The following COX20 variants were observed in gnomAD, a reference collection of about 807,000 sequenced individuals.
COX20 encodes the protein cytochrome c oxidase assembly protein COX20, mitochondrial.
COX20 carries 14 observed loss-of-function variants against 14.3 expected under a neutral mutation model. The ratio of observed to expected loss-of-function variants is 0.98; its 90% CI spans 0.65 to 1.53. The LOEUF is 1.53. Ranked by LOEUF, COX20 falls within the 40% of genes most tolerant of loss-of-function variation. The probability of loss-of-function intolerance (pLI) is 0.00; values close to 1 mark genes in which losing one functional copy is unlikely to be tolerated. For missense variants in COX20, 149 were observed against 142.1 expected, an observed-to-expected ratio of 1.05 and a Z score of -0.25; for synonymous variants, 56 against 51.7, an observed-to-expected ratio of 1.08 and a Z score of -0.36.
chr1:244,842,536 A>T, intron 3 of COX20: 1 of 387,334 alleles, frequency 2.6e-6, no homozygotes, highest in East Asian at 4.5e-5. Flanking sequence ...CTGCTTATTC[A>T]TATCTGAAAA....
chr1:244,839,009 C>T (rs933773675), intron 1 of COX20, among the ~76,000 whole-genome samples: 2 of 152,142 alleles, frequency 1.3e-5, no homozygotes, highest in Non-Finnish European at 2.9e-5. Context: ...AGGCTGGTCT[C>T]GAACTTCCGA....
upstream of COX20, chr1:244,835,605 G>A: frequency 4.8e-6 from 4 of 825,224 alleles, no homozygotes; most frequent in South Asian, 2.2e-4. Flanking sequence ...GTCGGAACAG[G>A]GCGGGAGGCG....
chr1:244,836,285 C>G (rs1306306209), intron 1 of COX20, among the ~76,000 whole-genome samples: 1 of 152,230 alleles, frequency 6.6e-6, no homozygotes, highest in Non-Finnish European at 1.5e-5. Flanking sequence ...CCACCTTCCA[C>G]TATTGTCCGC....
chr1:244,835,533 A>G (rs1679934934), upstream of COX20: 1 of 403,166 alleles, frequency 2.5e-6, no homozygotes, highest in African/African-American at 2.1e-5. Flanking sequence ...AGGACATGAC[A>G]GCCCGGCCCC....
At chr1:244,842,082 C>A in intron 2 of COX20, 24 bp downstream of exon 2, 1 of 1,544,970 alleles carries the variant, frequency 6.5e-7, no homozygotes, top group Non-Finnish European at 8.9e-7. Flanking sequence ...TTTTTTATTT[C>A]TCTATGTACT....
At chr1:244,842,401 G>A (rs1680243942) in intron 3 of COX20, 143 bp downstream of exon 3, 3 of 682,678 alleles carry the variant, frequency 4.4e-6, no homozygotes, top group Non-Finnish European at 7.9e-6. Flanking sequence ...CATTTTCATG[G>A]AAATCTTAAA....
At chr1:244,837,017 T>C (rs1680010960) in intron 1 of COX20, among the ~76,000 whole-genome samples, 1 of 151,990 alleles carries the variant, frequency 6.6e-6, no homozygotes, top group South Asian at 2.1e-4. Context: ...TTCAGTTTTG[T>C]GATAAACACT....
chr1:244,836,212 G>A (rs1679976575), intron 1 of COX20, among the ~76,000 whole-genome samples: 1 of 152,156 alleles, frequency 6.6e-6, no homozygotes, highest in Non-Finnish European at 1.5e-5. Flanking sequence ...GAAGGGTTAA[G>A]ATTTCTTCCC....
chr1:244,836,601 C>A, intron 1 of COX20: 1 of 1,234,578 alleles, frequency 8.1e-7, no homozygotes, highest in Non-Finnish European at 1.1e-6. Flanking sequence ...CAGGGCAGAA[C>A]AGGTATTCAG....
chr1:244,844,891 TA>T lies in COX20; in HGVS notation c.*1716del, dbSNP rs1033217078. On this transcript the variant is annotated 3_prime_UTR_variant, in exon 4 of 4. Transcript: ENST00000411948. ...TTTAACAAAATATGGACAGGCCACTTATGCTCAGTTTTACCTTAGTTATTCC... is the reference window on the plus strand; with the variant it reads ...TTTAACAAAATATGGACAGGCCACTTTGCTCAGTTTTACCTTAGTTATTCC... The T allele has an allele frequency of 3.3e-5, 5 of 152,280 alleles. No individual in the cohort carries two copies. Among genetic ancestry groups the T allele is most frequent in the Admixed American group, 1.3e-4 (2 of 15,278 alleles). The allele number at this position is 152,280 out of a possible 1,614,324, so 9.4% of individuals were successfully genotyped here. A position where few individuals can be genotyped will look rare whatever the true frequency, so the allele number is the denominator to read the frequency against.
At chr1:244,838,878 C>T (rs549692636) in intron 1 of COX20, among the ~76,000 whole-genome samples, 1 of 152,052 alleles carries the variant, frequency 6.6e-6, no homozygotes, top group African/African-American at 2.4e-5. Context: ...CTGCAACCTC[C>T]GCCTCCTGGG....
chr1:244,835,903 C>T, intron 1 of COX20, 147 bp downstream of exon 1: 2 of 603,306 alleles, frequency 3.3e-6, no homozygotes, highest in Non-Finnish European at 4.8e-6. Flanking sequence ...AGTCCTTATC[C>T]CAAGCCTCCA....
At chr1:244,842,640 A>G in intron 3 of COX20, 1 of 250,518 alleles carries the variant, frequency 4.0e-6, no homozygotes, top group South Asian at 6.3e-5. Context: ...TATGATATGT[A>G]TGTACTATAT....
chr1:244,836,598 G>T, intron 1 of COX20: 1 of 1,256,532 alleles, frequency 8.0e-7, no homozygotes, highest in South Asian at 1.3e-5. Context: ...CCTCAGGGCA[G>T]AACAGGTATT....
At chr1:244,840,091 T>C (rs1680136508) in intron 1 of COX20, 1 of 152,224 alleles carries the variant, frequency 6.6e-6, no homozygotes. Context: ...GTAGCTTCTA[T>C]TTAGATATTT....
rs900599774 is a variant in COX20, at chr1:244,844,089, C to T, written c.*913C>T. The T allele has an allele frequency of 6.6e-6, 1 of 152,182 alleles. No homozygotes were observed. The highest frequency in any genetic ancestry group is 2.4e-5 in the African/African-American group (1 of 41,452). 9.4% of individuals were successfully genotyped at this position (152,182 alleles called of 1,614,324 possible). Reference sequence around the variant, plus strand: ...AGAAATATTGGGGCGAAGGTAACAGCAGTCAACAGGATTGTGGCCATTACT... The same window carrying T: ...AGAAATATTGGGGCGAAGGTAACAGTAGTCAACAGGATTGTGGCCATTACT... On this transcript the variant is annotated 3_prime_UTR_variant, in exon 4 of 4. Coordinates refer to ENST00000411948, the MANE Select transcript of COX20 (RefSeq NM_198076.6).
At chr1:244,839,005 G>C (rs997744463) in intron 1 of COX20, among the ~76,000 whole-genome samples, 1 of 152,194 alleles carries the variant, frequency 6.6e-6, no homozygotes, top group African/African-American at 2.4e-5. Flanking sequence ...GGCCAGGCTG[G>C]TCTCGAACTT....
chr1:244,838,782 A>G (rs1433587620), intron 1 of COX20, among the ~76,000 whole-genome samples: 1 of 151,820 alleles, frequency 6.6e-6, no homozygotes, highest in Non-Finnish European at 1.5e-5. Context: ...AGAGGGGTGT[A>G]TAGAGGATTT....
chr1:244,836,472 C>A, intron 1 of COX20: 1 of 1,550,038 alleles, frequency 6.5e-7, no homozygotes, highest in Non-Finnish European at 8.7e-7. Context: ...ACGTACTTTC[C>A]CCATCTTCCC....
Sources: allele counts gnomAD v4.1 joint callset (sites outside exome capture counted in the v4.1 genomes callset), GRCh38; gene constraint gnomAD v4.1.1; transcripts MANE v1.5; gene names NCBI Gene and HGNC (gene_info 2026-07-23, HGNC 2026-07-21).